Variants in CNTN1 observed in about 807,000 individuals in gnomAD.
CNTN1 encodes contactin 1.
In CNTN1, 38 loss-of-function variants were observed where a neutral mutation model predicts 126.4. The observed-to-expected ratio is 0.30, with a 90% CI of 0.23 to 0.39. CNTN1 has a LOEUF of 0.39. Ranked by LOEUF, CNTN1 falls within the 10% of genes least tolerant of loss-of-function variation. The pLI, the probability that CNTN1 is intolerant of heterozygous loss-of-function variation, is 1.00. For missense variants in CNTN1, 1,009 were observed against 1,248.4 expected (o/e 0.81, Z 2.89); for synonymous variants, 413 against 422.6 (o/e 0.98, Z 0.28).
chr12:40,994,601 G>T (rs1948169156), intron 17 of CNTN1, among the ~76,000 whole-genome samples: 1 of 152,032 alleles, frequency 6.6e-6, no homozygotes, highest in Admixed American at 6.6e-5. Context: ...ACAAACATAT[G>T]CAGCTCTAGG....
intron 1 of CNTN1, among the ~76,000 whole-genome samples, chr12:40,862,349 A>G (rs1406001922): frequency 6.6e-6 from 1 of 152,146 alleles, no homozygotes; most frequent in Non-Finnish European, 1.5e-5. Flanking sequence ...CCCAGTTTCT[A>G]ACAGGTCACG....
intron 1 of CNTN1, among the ~76,000 whole-genome samples, chr12:40,745,284 C>T (rs767291983): frequency 6.6e-6 from 1 of 152,060 alleles, no homozygotes; most frequent in Non-Finnish European, 1.5e-5. Flanking sequence ...TGGCTTATGA[C>T]ACAACCCTCA....
intron 1 of CNTN1, among the ~76,000 whole-genome samples, chr12:40,860,924 A>G (rs1249044381): frequency 2.6e-5 from 4 of 152,080 alleles, no homozygotes; most frequent in African/African-American, 7.2e-5. Flanking sequence ...AGGGGCCCAC[A>G]AAGAGTCACC....
intron 1 of CNTN1, among the ~76,000 whole-genome samples, chr12:40,773,658 C>CACATATATATATAT: frequency 1.2e-4 from 1 of 8,288 alleles, no homozygotes; most frequent in African/African-American, 2.1e-4. Flanking sequence ...TATATATACA[C>CACATATATATATAT]ATATATATAT....
chr12:41,002,107 CTTTTA>C (rs77278776), intron 17 of CNTN1, among the ~76,000 whole-genome samples: 15,516 of 151,854 alleles, frequency 0.1, 887 homozygotes, highest in Non-Finnish European at 0.13. Flanking sequence ...GCTATTTGGG[CTTTTA>C]TTTTATTTTA....
At chr12:40,895,821 G>A (rs969127319) in intron 1 of CNTN1, 9 of 147,956 alleles carry the variant, frequency 6.1e-5, no homozygotes, top group African/African-American at 1.8e-4. Flanking sequence ...GCAGTGGCGC[G>A]ATCTTGGCTC....
At chr12:41,065,919 T>C (rs1260934499) in intron 23 of CNTN1, among the ~76,000 whole-genome samples, 1 of 152,256 alleles carries the variant, frequency 6.6e-6, no homozygotes, top group Non-Finnish European at 1.5e-5. Flanking sequence ...GGGATGTTTT[T>C]ACTCTTTCAG....
intron 15 of CNTN1, among the ~76,000 whole-genome samples, chr12:40,978,169 G>T (rs963499803): frequency 6.6e-6 from 1 of 152,040 alleles, no homozygotes; most frequent in Non-Finnish European, 1.5e-5. Flanking sequence ...GGAACTTAAC[G>T]ATTTTAAGAA....
intron 1 of CNTN1, among the ~76,000 whole-genome samples, chr12:40,904,977 C>A (rs1443637220): frequency 6.6e-6 from 1 of 152,150 alleles, no homozygotes; most frequent in Non-Finnish European, 1.5e-5. Context: ...GCAAACCTTG[C>A]AATTGTGCTA....
chr12:40,932,330 T>A (rs2136915551), intron 7 of CNTN1, among the ~76,000 whole-genome samples: 1 of 152,106 alleles, frequency 6.6e-6, no homozygotes, highest in Non-Finnish European at 1.5e-5. Context: ...CTGCACATGC[T>A]GTCTCTTGCC....
intron 21 of CNTN1, among the ~76,000 whole-genome samples, 168 bp from the exon 22 acceptor site, chr12:41,027,689 A>G (rs1235745504): frequency 6.6e-6 from 1 of 152,112 alleles, no homozygotes; most frequent in African/African-American, 2.4e-5. Context: ...CATTAAATGG[A>G]CTCATGGATG....
chr12:41,070,020 C>A lies in CNTN1; in HGVS notation c.3042C>A (p.Val1014=). The stretch of plus-strand genomic sequence containing the variant: ...TGCTGCCTGCCTTTGGCATCCTTGT[C>A]TACTTGGAATTCTGAATGTGTTGTG... ...GLLLPAFGIL[V]YLEF is the part of the protein sequence containing the mutation. Residue 1014 remains valine, a synonymous_variant, in exon 24 of 24, where the codon GTC becomes GTA. Transcript: ENST00000551295. 1.2e-6 allele frequency: 2 copies of A among 1,614,034 alleles called. No individual in the cohort carries two copies. Among genetic ancestry groups the A allele is most frequent in the Non-Finnish European group, 1.7e-6 (2 of 1,179,960 alleles).
intron 18 of CNTN1, among the ~76,000 whole-genome samples, chr12:41,016,141 T>TCTA (rs1948775121): frequency 6.6e-6 from 1 of 152,222 alleles, no homozygotes. Context: ...TGAAGCCCTG[T>TCTA]TCTAGGTGCT....
At chr12:40,883,807 C>A (rs1018726188) in intron 1 of CNTN1, among the ~76,000 whole-genome samples, 9 of 151,492 alleles carry the variant, frequency 5.9e-5, no homozygotes, top group African/African-American at 1.9e-4. Flanking sequence ...TCCAGGAATT[C>A]TTTTGTTTTT....
chr12:41,050,781 T>G (rs1949657970), intron 23 of CNTN1, among the ~76,000 whole-genome samples: 2 of 152,150 alleles, frequency 1.3e-5, no homozygotes, highest in Non-Finnish European at 2.9e-5. Flanking sequence ...GAAGTATGAG[T>G]GGGAAAGACA....
intron 1 of CNTN1, among the ~76,000 whole-genome samples, chr12:40,837,003 G>C (rs1437222789): frequency 6.6e-6 from 1 of 152,108 alleles, no homozygotes. Flanking sequence ...AATTTTAAAT[G>C]TCAATGCATT....
intron 1 of CNTN1, among the ~76,000 whole-genome samples, chr12:40,813,355 C>T (rs988265314): frequency 8.6e-5 from 13 of 151,888 alleles, no homozygotes; most frequent in Admixed American, 7.2e-4. Context: ...AACCCCCAAC[C>T]CACAACAGGC....
intron 1 of CNTN1, among the ~76,000 whole-genome samples, chr12:40,828,748 C>G (rs1385636299): frequency 6.6e-6 from 1 of 152,060 alleles, no homozygotes; most frequent in African/African-American, 2.4e-5. Flanking sequence ...AGGAAAGCAC[C>G]GAGGTACTCA....
intron 1 of CNTN1, among the ~76,000 whole-genome samples, chr12:40,799,289 A>G (rs1208785803): frequency 6.6e-6 from 1 of 151,530 alleles, no homozygotes; most frequent in Non-Finnish European, 1.5e-5. Context: ...GTAATTATTT[A>G]ATAATCTATA....
Sources: allele counts gnomAD v4.1 joint callset (sites outside exome capture counted in the v4.1 genomes callset), GRCh38; gene constraint gnomAD v4.1.1; transcripts MANE v1.5; gene names NCBI Gene and HGNC (gene_info 2026-07-23, HGNC 2026-07-21).